RELN: variants seen among roughly 807,000 people sequenced by gnomAD.
The protein encoded by RELN is reelin.
A neutral mutation model predicts 427.6 loss-of-function variants in RELN; 108 were observed. The ratio of observed to expected loss-of-function variants is 0.25; its 90% CI spans 0.22 to 0.30. The LOEUF (loss-of-function observed/expected upper bound fraction) is 0.30, where lower values mean the gene tolerates loss of function less well. Ranked by LOEUF, RELN falls within the 10% of genes least tolerant of loss-of-function variation. The pLI, the probability that RELN is intolerant of heterozygous loss-of-function variation, is 1.00. For missense variants in RELN, 3,715 were observed against 4,302.8 expected (o/e 0.86, Z 3.82); for synonymous variants, 1,524 against 1,513.4 (o/e 1.01, Z -0.16).
At chr7:103,869,366 T>C (rs549840692) in intron 2 of RELN, among the ~76,000 whole-genome samples, 1 of 152,196 alleles carries the variant, frequency 6.6e-6, no homozygotes, top group African/African-American at 2.4e-5. Context: ...TTTTTTTACT[T>C]CATATAGATC....
chr7:103,879,728 A>G (rs1033527044), intron 2 of RELN, among the ~76,000 whole-genome samples: 6 of 152,194 alleles, frequency 3.9e-5, no homozygotes, highest in South Asian at 4.2e-4. Flanking sequence ...GGGTGGGATA[A>G]CTCAGTGTTT....
chr7:103,890,338 C>T (rs1794819955), intron 2 of RELN, among the ~76,000 whole-genome samples: 1 of 152,058 alleles, frequency 6.6e-6, no homozygotes, highest in East Asian at 1.9e-4. Flanking sequence ...TCCCCAACTG[C>T]AGGGCCACGG....
At chr7:103,478,705 TAAC>T (rs1437370743) in intron 63 of RELN, among the ~76,000 whole-genome samples, 2 of 152,202 alleles carry the variant, frequency 1.3e-5, no homozygotes, top group African/African-American at 2.4e-5. Context: ...AATAGCTTAA[TAAC>T]TACTAATTTT....
At chr7:103,713,661 T>C (rs1584428818) in intron 8 of RELN, among the ~76,000 whole-genome samples, 1 of 25,410 alleles carries the variant, frequency 3.9e-5, no homozygotes. Flanking sequence ...GCATTTATCC[T>C]TTTTTTTTTT....
chr7:103,822,920 C>CAAAA (rs1198249383), intron 3 of RELN, among the ~76,000 whole-genome samples: 2 of 796 alleles, frequency 2.5e-3, no homozygotes, highest in African/African-American at 3.7e-3. Flanking sequence ...GACTCCGTCT[C>CAAAA]AAAAAAAAAA....
intron 2 of RELN, among the ~76,000 whole-genome samples, chr7:103,882,195 C>T (rs754023527): frequency 2.7e-4 from 41 of 152,194 alleles, no homozygotes; most frequent in Non-Finnish European, 5.1e-4. Flanking sequence ...GAGCAACTTT[C>T]CAATCTAAAT....
chr7:103,774,319 T>C (rs1563005641), intron 4 of RELN, among the ~76,000 whole-genome samples: 2 of 151,600 alleles, frequency 1.3e-5, no homozygotes, highest in African/African-American at 2.4e-5. Context: ...AAAAAAATAC[T>C]TTCAATGAAT....
intron 7 of RELN, 38 bp downstream of exon 7, chr7:103,728,073 C>G (rs1460114210): frequency 1.2e-5 from 19 of 1,598,810 alleles, no homozygotes; most frequent in Non-Finnish European, 1.5e-5. Context: ...TCAGTAAATA[C>G]TATAATGGAA....
At chr7:103,582,827 AG>A (rs1170087124) in intron 28 of RELN, among the ~76,000 whole-genome samples, 1 of 152,214 alleles carries the variant, frequency 6.6e-6, no homozygotes, top group Non-Finnish European at 1.5e-5. Context: ...AGAATGAGAT[AG>A]GTTATGTTGC....
intron 14 of RELN, among the ~76,000 whole-genome samples, chr7:103,652,111 C>T (rs556915228): frequency 2.6e-5 from 4 of 152,010 alleles, no homozygotes; most frequent in East Asian, 3.9e-4. Flanking sequence ...AATGTGACAC[C>T]GACAAAATTC....
chr7:103,871,839 C>T (rs928826100), intron 2 of RELN, among the ~76,000 whole-genome samples: 1 of 151,974 alleles, frequency 6.6e-6, no homozygotes, highest in Non-Finnish European at 1.5e-5. Flanking sequence ...TTGCTTTGCT[C>T]ATTGGTGTAT....
At chr7:103,653,647 A>C (rs1346028366) in intron 13 of RELN, among the ~76,000 whole-genome samples, 2 of 152,086 alleles carry the variant, frequency 1.3e-5, no homozygotes, top group Non-Finnish European at 2.9e-5. Flanking sequence ...AAGGGTAAAG[A>C]AAAAAGGCCA....
chr7:103,769,023 A>G (rs1044155294), intron 4 of RELN, among the ~76,000 whole-genome samples: 3 of 152,168 alleles, frequency 2.0e-5, no homozygotes, highest in African/African-American at 7.2e-5. Context: ...AACATTCACA[A>G]TTTTACCCCA....
chr7:103,705,489 T>C (rs2115819378), intron 8 of RELN, among the ~76,000 whole-genome samples: 1 of 152,362 alleles, frequency 6.6e-6, no homozygotes, highest in Non-Finnish European at 1.5e-5. Flanking sequence ...TTATAATTTA[T>C]CACCTAGCCT....
At chr7:103,648,984 T>C (rs1028265194) in intron 16 of RELN, among the ~76,000 whole-genome samples, 1 of 152,008 alleles carries the variant, frequency 6.6e-6, no homozygotes, top group Non-Finnish European at 1.5e-5. Flanking sequence ...TAGACACTTT[T>C]GGTGGGAATT....
intron 4 of RELN, among the ~76,000 whole-genome samples, chr7:103,756,900 A>G (rs1791172109): frequency 6.6e-6 from 1 of 152,224 alleles, no homozygotes; most frequent in African/African-American, 2.4e-5. Context: ...TGTGGCATAA[A>G]AATGGGCCAA....
Position 103,603,119 on chromosome 7 carries a change from GA to G in RELN, c.3333+184del, listed in dbSNP as rs1194672153. On this transcript the variant is annotated intron_variant, in intron 24 of 64. Transcript: ENST00000428762. The surrounding 1 kb of genome is among the most constrained non-coding windows in gnomAD (Gnocchi z 4.3). ...AACCTGATTTTTTAGTAACCAAAAA[GA>G]GTAATAAAAAGAACAACAAGAATTT... 1.3e-5 allele frequency among the ~76,000 whole-genome samples: 2 copies of G among 152,142 alleles called. No homozygotes were observed. The highest frequency in any genetic ancestry group is 2.9e-5 in the Non-Finnish European group (2 of 68,020).
intron 2 of RELN, among the ~76,000 whole-genome samples, chr7:103,869,530 C>A (rs1335392645): frequency 1.3e-5 from 2 of 151,980 alleles, no homozygotes; most frequent in African/African-American, 4.8e-5. Flanking sequence ...ATTTATGATG[C>A]ATATAGTGTT....
chr7:103,491,823 G>GTC (rs60846683), intron 58 of RELN, 130 bp downstream of exon 58: 6,328 of 426,408 alleles, frequency 0.015, 54 homozygotes, highest in Middle Eastern at 0.018. Flanking sequence ...GAGCGAAACT[G>GTC]TCTCTCTCTC....
Sources: gnomAD v4.1 joint callset for allele counts (sites outside exome capture counted in the v4.1 genomes callset) on GRCh38, gnomAD v4.1.1 for gene constraint, Gnocchi (gnomAD v3.1) non-coding constraint, MANE v1.5 for transcripts, NCBI Gene and HGNC (gene_info 2026-07-23, HGNC 2026-07-21) for gene names.